AOPEP: variants seen among roughly 807,000 people sequenced by gnomAD.
The protein encoded by AOPEP is aminopeptidase O.
AOPEP carries 77 observed loss-of-function variants against 98.1 expected under a neutral mutation model. That is an observed-to-expected ratio of 0.78 (90% CI 0.65 to 0.95). The LOEUF is 0.95. AOPEP is among the 40% of genes least tolerant of loss of function. AOPEP has a pLI of 0.00. For missense variants in AOPEP, 1,024 were observed against 1,024.7 expected (o/e 1.00, Z 0.01); for synonymous variants, 346 against 365.3 (o/e 0.95, Z 0.60).
chr9:95,147,559 A>G, the AOPEP span, among the ~76,000 whole-genome samples: 1 of 152,214 alleles, frequency 6.6e-6, no homozygotes, highest in Admixed American at 6.5e-5. Context: ...CACATCAGAG[A>G]ATTCTCTGAC....
the AOPEP span, chr9:95,117,301 C>G: frequency 9.3e-6 from 15 of 1,612,804 alleles, no homozygotes; most frequent in African/African-American, 4.0e-5. Context: ...TGGGCAAAGT[C>G]AACCCTAACT....
At chr9:95,069,431 A>C (rs1329921169) in intron 14 of AOPEP, among the ~76,000 whole-genome samples, 1 of 152,212 alleles carries the variant, frequency 6.6e-6, no homozygotes, top group Non-Finnish European at 1.5e-5. Context: ...ATTATTTTCT[A>C]ATTTCAGAAT....
downstream of AOPEP, among the ~76,000 whole-genome samples, chr9:95,090,605 C>T (rs1196834116): frequency 2.6e-5 from 4 of 152,244 alleles, no homozygotes; most frequent in East Asian, 1.9e-4. Context: ...CTGCAGGCCT[C>T]GCCAGCACCC....
intron 1 of AOPEP, among the ~76,000 whole-genome samples, chr9:94,753,602 A>G (rs1243245042): frequency 6.6e-6 from 1 of 152,240 alleles, no homozygotes; most frequent in East Asian, 1.9e-4. Context: ...AAATATGTTG[A>G]TTGAGATGGT....
At chr9:94,774,798 C>T (rs142123153) in intron 3 of AOPEP, among the ~76,000 whole-genome samples, 250 of 152,214 alleles carry the variant, frequency 1.6e-3, no homozygotes, top group African/African-American at 5.8e-3. Context: ...AAAGGCTGTG[C>T]CAATTTATAC....
chr9:94,859,480 A>G lies in AOPEP; in HGVS notation c.1364+58478A>G, dbSNP rs117635913. 5.9e-3 allele frequency among the ~76,000 whole-genome samples: 892 copies of G among 152,268 alleles called. 7 individuals are homozygous for G. Among genetic ancestry groups the G allele is most frequent in the Non-Finnish European group, 0.01 (702 of 68,008 alleles). On this transcript the variant is annotated intron_variant, in intron 5 of 16. Transcript: ENST00000375315. ...TAATCTAGGATAATCTGACTAACTCAAGATCCTTATTAACTTCATTACATC... is the reference window on the plus strand; with the variant it reads ...TAATCTAGGATAATCTGACTAACTCGAGATCCTTATTAACTTCATTACATC...
chr9:94,861,183 T>C lies in AOPEP; in HGVS notation c.1364+60181T>C, dbSNP rs563638125. Reference sequence around the variant, plus strand: ...TACGGGGAGCTCTGGCCAAGGCAAATTGTGGCTCTCGAGGAGGCTTCATGA... The same window carrying C: ...TACGGGGAGCTCTGGCCAAGGCAAACTGTGGCTCTCGAGGAGGCTTCATGA... On this transcript the variant is annotated intron_variant, in intron 5 of 16. Transcript: ENST00000375315. Among the ~76,000 whole-genome samples the C allele has an allele frequency of 6.6e-5, 10 of 152,194 alleles. No individual in the cohort carries two copies. In the East Asian group the frequency reaches 7.7e-4, roughly 12 times the overall value.
intron 5 of AOPEP, among the ~76,000 whole-genome samples, chr9:94,909,385 A>T (rs2051670900): frequency 6.9e-6 from 1 of 145,976 alleles, no homozygotes. Flanking sequence ...AGAAAATTTG[A>T]AAACAATTAG....
intron 5 of AOPEP, among the ~76,000 whole-genome samples, chr9:94,913,421 C>T (rs2052366850): frequency 6.6e-6 from 1 of 152,148 alleles, no homozygotes; most frequent in African/African-American, 2.4e-5. Context: ...CAGGACCACC[C>T]TGGGAAATAA....
chr9:95,119,494 T>C, the AOPEP span, among the ~76,000 whole-genome samples: 1 of 151,834 alleles, frequency 6.6e-6, no homozygotes, highest in Non-Finnish European at 1.5e-5. Flanking sequence ...GCCTCCCAAA[T>C]AGCTGGGACT....
intron 13 of AOPEP, among the ~76,000 whole-genome samples, chr9:95,023,730 A>C (rs1356807455): frequency 6.6e-6 from 1 of 152,214 alleles, no homozygotes; most frequent in Non-Finnish European, 1.5e-5. Flanking sequence ...CTGAGTTTGC[A>C]GTAACTATTA....
chr9:95,147,646 T>A, the AOPEP span, among the ~76,000 whole-genome samples: 2 of 152,222 alleles, frequency 1.3e-5, no homozygotes, highest in African/African-American at 4.8e-5. Context: ...GGAAAGTTAT[T>A]TTTCCCTTGC....
intron 4 of AOPEP, among the ~76,000 whole-genome samples, chr9:94,793,465 G>A (rs145454550): frequency 0.01 from 1,591 of 152,108 alleles, 13 homozygotes; most frequent in South Asian, 0.045. Context: ...CGATCACGAG[G>A]TCAGGAGTTG....
intron 1 of AOPEP, among the ~76,000 whole-genome samples, chr9:94,758,569 A>G (rs1018678604): frequency 1.3e-5 from 2 of 152,214 alleles, no homozygotes; most frequent in East Asian, 3.9e-4. Flanking sequence ...ATTTACTTGA[A>G]AATTCAAGCA....
At chr9:95,016,659 C>T (rs910447345) in intron 13 of AOPEP, among the ~76,000 whole-genome samples, 1 of 151,836 alleles carries the variant, frequency 6.6e-6, no homozygotes, top group African/African-American at 2.4e-5. Flanking sequence ...GTCACCCAGG[C>T]TTAAGTCCAA....
intron 6 of AOPEP, among the ~76,000 whole-genome samples, chr9:94,927,720 G>C (rs1010583986): frequency 2.0e-4 from 31 of 152,346 alleles, no homozygotes; most frequent in African/African-American, 7.5e-4. Context: ...ATGTCCCCAT[G>C]GCCTAGCAGA....
chr9:94,822,833 T>G (rs536423486), intron 5 of AOPEP, among the ~76,000 whole-genome samples: 1 of 152,256 alleles, frequency 6.6e-6, no homozygotes, highest in African/African-American at 2.4e-5. Flanking sequence ...TAGATTCCAT[T>G]TGGGCATTTT....
intron 13 of AOPEP, among the ~76,000 whole-genome samples, chr9:95,030,562 G>A (rs2064207826): frequency 6.6e-6 from 1 of 152,216 alleles, no homozygotes; most frequent in South Asian, 2.1e-4. Context: ...GCCTCATGAA[G>A]GGATCGTGTC....
At chr9:95,148,779 CAG>C in the AOPEP span, among the ~76,000 whole-genome samples, 41 of 152,196 alleles carry the variant, frequency 2.7e-4, no homozygotes, top group Admixed American at 2.7e-3. Context: ...TCTAATGTAA[CAG>C]AGTATGGAAA....
Sources: allele counts gnomAD v4.1 joint callset (sites outside exome capture counted in the v4.1 genomes callset), GRCh38; gene constraint gnomAD v4.1.1; transcripts MANE v1.5; gene names NCBI Gene and HGNC (gene_info 2026-07-23, HGNC 2026-07-21).